The following ATP10B variants were observed in gnomAD, a reference collection of about 807,000 sequenced individuals.
The protein encoded by ATP10B is ATPase phospholipid transporting 10B (putative).
Under a neutral mutation model 141.2 loss-of-function variants are expected in ATP10B, and 122 were observed. The observed-to-expected ratio is 0.86, with a 90% CI of 0.75 to 1.00. The LOEUF (loss-of-function observed/expected upper bound fraction) is 1.00, where lower values mean the gene tolerates loss of function less well. Ranked by LOEUF, ATP10B falls within the 50% of genes least tolerant of loss-of-function variation. ATP10B has a pLI of 0.00. For missense variants in ATP10B, 1,876 were observed against 1,825.3 expected (o/e 1.03, Z -0.51); for synonymous variants, 685 against 692.0 (o/e 0.99, Z 0.16).
At chr5:160,873,358 T>C in the ATP10B span, among the ~76,000 whole-genome samples, 2 of 152,220 alleles carry the variant, frequency 1.3e-5, no homozygotes, top group African/African-American at 4.8e-5. Context: ...TCCATTTCAC[T>C]AATCCATTTC....
In ATP10B at chr5:160,766,320, AAT is replaced by A. The variant is rs564597756; in HGVS notation, c.-331+19237_-331+19238del. ...GAACCAGCCTAAATGTCCACCAATCAATGAGTGGATAAAGAGAACACACACAC... is the reference window on the plus strand; with the variant it reads ...GAACCAGCCTAAATGTCCACCAATCAGAGTGGATAAAGAGAACACACACAC... On this transcript the variant is annotated intron_variant, in intron 2 of 25. Coordinates refer to ENST00000327245, the MANE Select transcript of ATP10B (RefSeq NM_025153.3). 5.5e-3 allele frequency among the ~76,000 whole-genome samples: 811 copies of A among 148,792 alleles called. 4 individuals are homozygous for A. The highest frequency in any genetic ancestry group is 9.3e-3 in the Non-Finnish European group (628 of 67,344).
intron 3 of ATP10B, chr5:160,691,935 G>A (rs1055231742): frequency 1.3e-5 from 2 of 152,180 alleles, no homozygotes; most frequent in Non-Finnish European, 2.9e-5. Context: ...TATAAAAAAT[G>A]CACCTTCATG....
chr5:160,572,022 A>G (rs1475296439), intron 24 of ATP10B, among the ~76,000 whole-genome samples: 1 of 152,146 alleles, frequency 6.6e-6, no homozygotes, highest in Non-Finnish European at 1.5e-5. Context: ...CTAGGTATTG[A>G]TTTCTGAAAC....
At chr5:160,702,191 TA>T (rs925102893) in intron 3 of ATP10B, among the ~76,000 whole-genome samples, 130 of 152,364 alleles carry the variant, frequency 8.5e-4, no homozygotes, top group African/African-American at 3.1e-3. Context: ...AATTTAAAAT[TA>T]TTTAAAAATA....
At chr5:160,861,876 A>G in the ATP10B span, among the ~76,000 whole-genome samples, 2 of 151,968 alleles carry the variant, frequency 1.3e-5, no homozygotes, top group Non-Finnish European at 2.9e-5. Flanking sequence ...ATAACAATAT[A>G]TCTATTACAT....
chr5:160,826,653 T>C (rs1480521487), intron 1 of ATP10B, among the ~76,000 whole-genome samples: 2 of 152,178 alleles, frequency 1.3e-5, no homozygotes, highest in Non-Finnish European at 2.9e-5. Context: ...TTTTTCTTCT[T>C]GCAGAGAGCC....
At chr5:160,589,214 C>T (rs562481372) in intron 24 of ATP10B, among the ~76,000 whole-genome samples, 1 of 152,212 alleles carries the variant, frequency 6.6e-6, no homozygotes, top group East Asian at 1.9e-4. Flanking sequence ...ATTTCACCAT[C>T]TTGGCCAGGC....
intron 15 of ATP10B, among the ~76,000 whole-genome samples, chr5:160,619,237 A>G (rs1758187360): frequency 6.6e-6 from 1 of 152,202 alleles, no homozygotes; most frequent in Non-Finnish European, 1.5e-5. Flanking sequence ...ATCAAATTGA[A>G]CATTTAAACA....
At chr5:160,873,881 C>T in the ATP10B span, among the ~76,000 whole-genome samples, 1 of 152,200 alleles carries the variant, frequency 6.6e-6, no homozygotes, top group African/African-American at 2.4e-5. Context: ...CTCGGAGGGT[C>T]CTACACCCAC....
the ATP10B span, among the ~76,000 whole-genome samples, chr5:160,926,276 C>G: frequency 6.6e-6 from 1 of 152,186 alleles, no homozygotes; most frequent in African/African-American, 2.4e-5. Flanking sequence ...GAAAAGAATT[C>G]CTGGTAATTA....
chr5:160,569,610 G>A lies in ATP10B; in HGVS notation c.3824C>T (p.Thr1275Ile), dbSNP rs1161051529. 3 of 1,613,674 alleles carry A rather than the reference G, an allele frequency of 1.9e-6. No individual in the cohort carries two copies. The highest frequency in any genetic ancestry group is 2.5e-6 in the Non-Finnish European group (3 of 1,179,782). Reference sequence around the variant, plus strand: ...GGTGGGGCTGTTGCAGATGACGCAGGTGGCATTGTACAGGAGGGATACCAG... The same window carrying A: ...GGTGGGGCTGTTGCAGATGACGCAGATGGCATTGTACAGGAGGGATACCAG... ...YFLVSLLYNA[T>I]CVICNSPTNP... The change falls in exon 25 of 26, where the codon ACC (threonine) becomes ATC (isoleucine). Residue 1275 changes from threonine to isoleucine, a missense_variant. Transcript: ENST00000327245.
intron 1 of ATP10B, among the ~76,000 whole-genome samples, chr5:160,817,673 A>C (rs1773753410): frequency 6.6e-6 from 1 of 152,218 alleles, no homozygotes; most frequent in Non-Finnish European, 1.5e-5. Context: ...GGAACCAAAA[A>C]AGAGCCCGCA....
intron 1 of ATP10B, among the ~76,000 whole-genome samples, chr5:160,801,141 C>A (rs1224764327): frequency 1.3e-5 from 2 of 152,174 alleles, no homozygotes; most frequent in African/African-American, 4.8e-5. Flanking sequence ...ATCCAACATT[C>A]CAGCTGCCAG....
At chr5:160,640,330 T>C (rs937884066) in intron 10 of ATP10B, 131 bp downstream of exon 10, 2 of 963,788 alleles carry the variant, frequency 2.1e-6, no homozygotes, top group Non-Finnish European at 3.0e-6. Flanking sequence ...TTTCATTTCA[T>C]TGGCATCCCG....
chr5:160,807,595 C>G (rs1421082714), intron 1 of ATP10B, among the ~76,000 whole-genome samples: 1 of 151,912 alleles, frequency 6.6e-6, no homozygotes, highest in Non-Finnish European at 1.5e-5. Context: ...GACAAACAGT[C>G]CAATGAAATA....
At chr5:160,887,662 T>C in the ATP10B span, among the ~76,000 whole-genome samples, 3 of 152,204 alleles carry the variant, frequency 2.0e-5, no homozygotes, top group African/African-American at 4.8e-5. Context: ...TCCAGCTACG[T>C]TGACCTCCTG....
intron 2 of ATP10B, among the ~76,000 whole-genome samples, chr5:160,758,407 T>C (rs1457016968): frequency 1.3e-5 from 2 of 152,192 alleles, no homozygotes; most frequent in Non-Finnish European, 1.5e-5. Flanking sequence ...GATATTATTA[T>C]TATAGAGGCC....
Position 160,778,102 on chromosome 5 carries a change from A to C in ATP10B, c.-331+7457T>G, listed in dbSNP as rs568657140. On this transcript the variant is annotated intron_variant, in intron 2 of 25. Coordinates refer to ENST00000327245, the MANE Select transcript of ATP10B (RefSeq NM_025153.3). ...GGGGCTGTAGACAGTCTCTACAGAAAGCTTAATTTTCAGTAAATATTCATA... is the reference window on the plus strand; with the variant it reads ...GGGGCTGTAGACAGTCTCTACAGAACGCTTAATTTTCAGTAAATATTCATA... Among the ~76,000 whole-genome samples the C allele has an allele frequency of 2.0e-5, 3 of 152,346 alleles. No individual in the cohort carries two copies. The South Asian group carries it at 6.2e-4, about 32-fold the overall frequency.
At chr5:160,827,080 C>G (rs1363427793) in intron 1 of ATP10B, among the ~76,000 whole-genome samples, 1 of 152,180 alleles carries the variant, frequency 6.6e-6, no homozygotes, top group Non-Finnish European at 1.5e-5. Flanking sequence ...GACCTACACC[C>G]TGTTCCTACA....
Sources: gnomAD v4.1 joint callset for allele counts (sites outside exome capture counted in the v4.1 genomes callset) on GRCh38, gnomAD v4.1.1 for gene constraint, MANE v1.5 for transcripts, NCBI Gene and HGNC (gene_info 2026-07-23, HGNC 2026-07-21) for gene names.